Variants in RBFOX1 observed in about 807,000 individuals in gnomAD.
RBFOX1 encodes RNA binding protein fox-1 homolog 1.
RBFOX1 carries 8 observed loss-of-function variants against 57.7 expected under a neutral mutation model. The observed-to-expected ratio is 0.14, with a 90% CI of 0.08 to 0.25. RBFOX1 has a LOEUF of 0.25. Among genes scored for constraint, RBFOX1 ranks in the 10% least tolerant of loss-of-function variants. RBFOX1 has a pLI of 1.00. For synonymous variants in RBFOX1, 326 were observed against 222.4 expected, an observed-to-expected ratio of 1.47 and a Z score of -4.15; for missense variants, 611 against 548.5, an observed-to-expected ratio of 1.11 and a Z score of -1.14.
At chr16:6,575,617 G>A (rs1055653697) in intron 2 of RBFOX1, among the ~76,000 whole-genome samples, 1 of 152,102 alleles carries the variant, frequency 6.6e-6, no homozygotes, top group African/African-American at 2.4e-5. Flanking sequence ...CAGCACTTTG[G>A]GAGGCCACGG....
Position 5,954,691 on chromosome 16 carries a change from G to A in RBFOX1, c.351+87356G>A, listed in dbSNP as rs60034750. ...GTAATCACCCCTTAACTCTCGGCAA[G>A]CATCTGATCGTGTGCGCCGTGAGCT... is the stretch of plus-strand genomic sequence containing the variant. On this transcript the variant is annotated intron_variant, in intron 4 of 19. Coordinates refer to the RBFOX1 transcript ENST00000641259. Among the ~76,000 whole-genome samples the A allele has an allele frequency of 9.6e-3, 1,454 of 152,244 alleles. 16 individuals are homozygous for A. The highest frequency in any genetic ancestry group is 0.034 in the African/African-American group (1,396 of 41,536).
At chr16:6,033,883 T>C (rs1184243116) in intron 1 of RBFOX1, among the ~76,000 whole-genome samples, 1 of 152,140 alleles carries the variant, frequency 6.6e-6, no homozygotes, top group African/African-American at 2.4e-5. Flanking sequence ...CCTTACATGT[T>C]GGTGGATGAA....
chr16:5,531,409 T>C (rs1396101726), intron 2 of RBFOX1, among the ~76,000 whole-genome samples: 1 of 152,190 alleles, frequency 6.6e-6, no homozygotes, highest in South Asian at 2.1e-4. Flanking sequence ...TTGTGGAAAA[T>C]TGAGAACTCA....
chr16:6,300,451 TAAAG>T (rs1285637132), intron 1 of RBFOX1, among the ~76,000 whole-genome samples: 2 of 152,150 alleles, frequency 1.3e-5, no homozygotes, highest in Non-Finnish European at 2.9e-5. Flanking sequence ...TTTGTCAACT[TAAAG>T]AATAAAAAGA....
chr16:5,435,515 G>C (rs1438051573), intron 1 of RBFOX1, among the ~76,000 whole-genome samples: 1 of 152,188 alleles, frequency 6.6e-6, no homozygotes, highest in Non-Finnish European at 1.5e-5. Context: ...TGTAAGATGG[G>C]TCAGTGTCTT....
At chr16:5,274,698 T>C (rs1363489192) in intron 1 of RBFOX1, among the ~76,000 whole-genome samples, 2 of 152,196 alleles carry the variant, frequency 1.3e-5, no homozygotes, top group African/African-American at 4.8e-5. Flanking sequence ...GTGGATGGGT[T>C]ATTTTGCCTA....
At chr16:7,362,825 A>G (rs1473883677) in intron 4 of RBFOX1, among the ~76,000 whole-genome samples, 4 of 152,154 alleles carry the variant, frequency 2.6e-5, no homozygotes, top group African/African-American at 4.8e-5. Flanking sequence ...GTGGCTTATC[A>G]GTGGGTCAGA....
At chr16:7,685,768 C>G (rs745966507) in intron 14 of RBFOX1, among the ~76,000 whole-genome samples, 64 of 152,098 alleles carry the variant, frequency 4.2e-4, no homozygotes, top group Admixed American at 8.5e-4. Context: ...TAACACTAAC[C>G]CTCTGGGAAC....
intron 1 of RBFOX1, among the ~76,000 whole-genome samples, chr16:6,045,131 C>T: frequency 6.6e-6 from 1 of 152,176 alleles, no homozygotes; most frequent in Non-Finnish European, 1.5e-5. Context: ...AATGAGCGTG[C>T]AAATCACCCA....
intron 4 of RBFOX1, among the ~76,000 whole-genome samples, chr16:5,955,355 T>G (rs9935199): frequency 0.028 from 391 of 13,790 alleles, 16 homozygotes; most frequent in Middle Eastern, 0.068. Flanking sequence ...ATAAAATAAA[T>G]AAAAATAAAA....
At chr16:6,208,446 G>T (rs1244250320) in intron 1 of RBFOX1, among the ~76,000 whole-genome samples, 3 of 151,986 alleles carry the variant, frequency 2.0e-5, no homozygotes, top group African/African-American at 7.2e-5. Context: ...GTCTGAAGTT[G>T]AGTAGACATT....
chr16:5,547,402 T>A (rs1414844608), intron 2 of RBFOX1, among the ~76,000 whole-genome samples: 3 of 152,200 alleles, frequency 2.0e-5, no homozygotes, highest in Non-Finnish European at 4.4e-5. Flanking sequence ...GGCACATGCA[T>A]ATAATGGAAT....
intron 4 of RBFOX1, among the ~76,000 whole-genome samples, chr16:7,506,989 A>G (rs886149759): frequency 6.6e-6 from 1 of 152,128 alleles, no homozygotes; most frequent in Non-Finnish European, 1.5e-5. Flanking sequence ...ATTCCAGTAG[A>G]TTTTTCCCTC....
At chr16:5,959,039 T>C (rs182544495) in intron 4 of RBFOX1, among the ~76,000 whole-genome samples, 131 of 152,340 alleles carry the variant, frequency 8.6e-4, no homozygotes, top group Non-Finnish European at 1.3e-3. Flanking sequence ...AAGGCCATTA[T>C]TCTGCTGACC....
chr16:6,076,634 A>G (rs1395726342), intron 1 of RBFOX1, among the ~76,000 whole-genome samples: 8 of 126,854 alleles, frequency 6.3e-5, no homozygotes, highest in Non-Finnish European at 1.4e-4. Context: ...AACCTGGGAA[A>G]TCTATAAAAT....
intron 3 of RBFOX1, among the ~76,000 whole-genome samples, chr16:7,030,790 C>T (rs958437861): frequency 4.6e-5 from 7 of 152,106 alleles, no homozygotes; most frequent in Non-Finnish European, 2.9e-5. Context: ...TAATTAAGGC[C>T]CTCAAATAAG....
intron 2 of RBFOX1, among the ~76,000 whole-genome samples, chr16:6,532,891 G>T (rs2096679442): frequency 3.3e-5 from 5 of 152,188 alleles, no homozygotes. Context: ...CCCCTTGAGT[G>T]CCAGTGTCAC....
chr16:7,392,103 AC>A (rs1312753892), intron 4 of RBFOX1, among the ~76,000 whole-genome samples: 1 of 152,158 alleles, frequency 6.6e-6, no homozygotes, highest in African/African-American at 2.4e-5. Context: ...AAAGTTGCAC[AC>A]CCACTTCTCC....
At chr16:5,705,882 C>T (rs564835861) in intron 3 of RBFOX1, among the ~76,000 whole-genome samples, 2 of 152,338 alleles carry the variant, frequency 1.3e-5, no homozygotes, top group African/African-American at 2.4e-5. Flanking sequence ...AGATGTTTCT[C>T]AGACACATGA....
Sources: allele counts gnomAD v4.1 joint callset (sites outside exome capture counted in the v4.1 genomes callset), GRCh38; gene constraint gnomAD v4.1.1; transcripts MANE v1.5; gene names NCBI Gene and HGNC (gene_info 2026-07-23, HGNC 2026-07-21).